The following KDM7A variants were observed in gnomAD, a reference collection of about 807,000 sequenced individuals.
KDM7A encodes lysine demethylase 7A.
A neutral mutation model predicts 114.8 loss-of-function variants in KDM7A; 28 were observed. The observed-to-expected ratio is 0.24, with a 90% confidence interval of 0.18 to 0.33. The LOEUF (loss-of-function observed/expected upper bound fraction) is 0.33. KDM7A is among the 10% of genes least tolerant of loss of function. KDM7A has a pLI of 1.00. For missense variants in KDM7A, 942 were observed against 1,142.5 expected, an observed-to-expected ratio of 0.82 and a Z score of 2.53; for synonymous variants, 423 against 397.8, an observed-to-expected ratio of 1.06 and a Z score of -0.75.
intron 6 of KDM7A, among the ~76,000 whole-genome samples, chr7:140,125,777 C>T (rs921394705): frequency 2.0e-5 from 3 of 151,824 alleles, no homozygotes; most frequent in Admixed American, 2.0e-4. Context: ...GCTCTGTTGC[C>T]CAGGCTGGAG....
intron 3 of KDM7A, among the ~76,000 whole-genome samples, 157 bp downstream of exon 3, chr7:140,133,382 T>C (rs922852878): frequency 1.3e-5 from 2 of 152,214 alleles, no homozygotes; most frequent in African/African-American, 4.8e-5. Flanking sequence ...TACTGATACT[T>C]TTCTATTTCG....
In KDM7A at chr7:140,127,474, T is replaced by C. The variant is rs771333868; in HGVS notation, c.669A>G (p.Leu223=). 1 of 1,613,772 alleles carries C rather than the reference T, an allele frequency of 6.2e-7. No homozygotes were observed. Among genetic ancestry groups the C allele is most frequent in the Non-Finnish European group, 8.5e-7 (1 of 1,179,826 alleles). Residue 223 remains leucine, a synonymous_variant, in exon 5 of 20, where the codon TTA becomes TTG. Coordinates refer to ENST00000397560, the MANE Select transcript of KDM7A (RefSeq NM_030647.2). ...YFMNPNRPKV[L]NVISLEFSDT... is the part of the protein sequence containing the mutation. ...CTGAAAATTCAAGGCTGATCACATT[T>C]AACACTTTTGGTCTGTTAGGATTCA...
At chr7:140,137,451 A>G (rs1471262228) in intron 2 of KDM7A, among the ~76,000 whole-genome samples, 1 of 152,222 alleles carries the variant, frequency 6.6e-6, no homozygotes, top group Non-Finnish European at 1.5e-5. Flanking sequence ...CTAAACTAAA[A>G]CTGCTATAAA....
intron 1 of KDM7A, among the ~76,000 whole-genome samples, chr7:140,169,139 C>T (rs1324457277): frequency 7.9e-5 from 12 of 151,964 alleles, no homozygotes; most frequent in African/African-American, 4.8e-5. Context: ...CATATAGACA[C>T]GAAAATCATA....
At chr7:140,173,182 G>A (rs1794666057) in intron 1 of KDM7A, among the ~76,000 whole-genome samples, 1 of 152,040 alleles carries the variant, frequency 6.6e-6, no homozygotes, top group Admixed American at 6.6e-5. Context: ...AGAACTCAGG[G>A]AGAAAGAACT....
At chr7:140,130,524 G>A (rs1361091042) in intron 3 of KDM7A, among the ~76,000 whole-genome samples, 3 of 151,914 alleles carry the variant, frequency 2.0e-5, no homozygotes, top group African/African-American at 7.3e-5. Context: ...GGGAGGCTGA[G>A]GCAGGAGAAT....
chr7:140,091,874 G>A lies in KDM7A; in HGVS notation c.2661C>T (p.Phe887=), dbSNP rs753241969. ...SPERPVGETS[F]SVPLHPTKRP... ...TCTTGGTGGGGTGAAGGGGCACCGA[G>A]AAGGAAGTTTCACCAACTGGCCTTT... Residue 887 remains phenylalanine (F), a synonymous_variant, in exon 19 of 20, where the codon TTC becomes TTT. Transcript: ENST00000397560. The A allele has an allele frequency of 1.2e-6, 2 of 1,613,788 alleles. No homozygotes were observed. The highest frequency in any genetic ancestry group is 3.3e-5 in the Admixed American group (2 of 59,992).
At chr7:140,095,722 T>TA (rs1247727009) in intron 17 of KDM7A, 9 of 208,656 alleles carry the variant, frequency 4.3e-5, no homozygotes, top group Admixed American at 1.2e-4. Flanking sequence ...CTACAAAAAA[T>TA]AAAAAAATTA....
At chr7:140,111,983 G>C (rs1431042007) in intron 10 of KDM7A, among the ~76,000 whole-genome samples, 2 of 150,710 alleles carry the variant, frequency 1.3e-5, no homozygotes, top group Admixed American at 6.6e-5. Context: ...TTCTGATAAA[G>C]TCACAAATTT....
At chr7:140,129,678 A>T in intron 3 of KDM7A, 25 bp from the exon 4 acceptor site, 1 of 1,537,532 alleles carries the variant, frequency 6.5e-7, no homozygotes, top group Non-Finnish European at 9.0e-7. Flanking sequence ...AAGAATAAAA[A>T]TGTCATTTTT....
chr7:140,120,216 T>A (rs971549452), intron 8 of KDM7A, among the ~76,000 whole-genome samples: 2 of 152,186 alleles, frequency 1.3e-5, no homozygotes, highest in Non-Finnish European at 2.9e-5. Flanking sequence ...ATTATCTGAA[T>A]AAGTTCCCTT....
At chr7:140,104,948 T>C (rs575189186) in intron 11 of KDM7A, among the ~76,000 whole-genome samples, 12 of 152,312 alleles carry the variant, frequency 7.9e-5, no homozygotes, top group Admixed American at 5.9e-4. Context: ...CATTTGTTTG[T>C]GTCTTCTTTT....
At chr7:140,101,643 C>G (rs1818227758) in intron 12 of KDM7A, among the ~76,000 whole-genome samples, 2 of 152,146 alleles carry the variant, frequency 1.3e-5, no homozygotes, top group South Asian at 4.1e-4. Context: ...AGGATGGAAG[C>G]TTCATGAGGG....
intron 1 of KDM7A, among the ~76,000 whole-genome samples, chr7:140,168,933 T>G (rs760635817): frequency 6.6e-6 from 1 of 152,204 alleles, no homozygotes; most frequent in Non-Finnish European, 1.5e-5. Context: ...GGTGTTATAT[T>G]AGAATCAAAG....
intron 11 of KDM7A, among the ~76,000 whole-genome samples, chr7:140,104,568 C>T (rs1017034728): frequency 4.0e-5 from 6 of 151,624 alleles, no homozygotes; most frequent in African/African-American, 1.5e-4. Flanking sequence ...GGAATCGTTT[C>T]CCCATTGCAG....
intron 9 of KDM7A, among the ~76,000 whole-genome samples, chr7:140,114,099 A>G (rs1005982404): frequency 2.6e-5 from 4 of 152,178 alleles, no homozygotes; most frequent in Non-Finnish European, 5.9e-5. Context: ...CAAGGATTCA[A>G]TTCACCAGAA....
intron 1 of KDM7A, among the ~76,000 whole-genome samples, chr7:140,175,723 A>G (rs980983786): frequency 6.6e-5 from 10 of 152,006 alleles, no homozygotes; most frequent in African/African-American, 2.4e-4. Context: ...CAAACGTCAA[A>G]CCCGGAGCGC....
intron 9 of KDM7A, among the ~76,000 whole-genome samples, chr7:140,117,469 G>C (rs937064417): frequency 1.2e-4 from 16 of 131,208 alleles, no homozygotes; most frequent in Non-Finnish European, 2.0e-4. Flanking sequence ...CAAGGGTAGA[G>C]GCGTGTGTGT....
intron 18 of KDM7A, among the ~76,000 whole-genome samples, chr7:140,092,907 A>T (rs1337963842): frequency 1.3e-5 from 2 of 152,228 alleles, no homozygotes; most frequent in Non-Finnish European, 2.9e-5. Flanking sequence ...TCATACACCG[A>T]AAAGTAAATT....
Sources: allele counts gnomAD v4.1 joint callset (sites outside exome capture counted in the v4.1 genomes callset), GRCh38; gene constraint gnomAD v4.1.1; transcripts MANE v1.5; gene names NCBI Gene and HGNC (gene_info 2026-07-23, HGNC 2026-07-21).